CD226: variants seen among roughly 807,000 people sequenced by gnomAD.
CD226 encodes CD226 antigen.
A neutral mutation model predicts 34.9 loss-of-function variants in CD226; 24 were observed. The observed-to-expected ratio is 0.69, with a 90% CI of 0.50 to 0.97. The LOEUF (loss-of-function observed/expected upper bound fraction) is 0.97, where lower values mean the gene tolerates loss of function less well. CD226 is among the 50% of genes least tolerant of loss of function. The probability of loss-of-function intolerance (pLI) is 0.00; values close to 1 mark genes in which losing one functional copy is unlikely to be tolerated. For missense variants in CD226, 397 were observed against 412.7 expected, an observed-to-expected ratio of 0.96 and a Z score of 0.33; for synonymous variants, 148 against 147.4, an observed-to-expected ratio of 1.00 and a Z score of -0.03.
intron 2 of CD226, among the ~76,000 whole-genome samples, chr18:69,931,809 T>C (rs2055592601): frequency 1.3e-5 from 2 of 152,230 alleles, no homozygotes; most frequent in African/African-American, 4.8e-5. Context: ...TTAATTCTTT[T>C]TCATCGCTTG....
At chr18:69,877,757 C>G (rs1020046615) in intron 3 of CD226, among the ~76,000 whole-genome samples, 1 of 152,204 alleles carries the variant, frequency 6.6e-6, no homozygotes. Context: ...CCTAATACCA[C>G]AATACCTGAT....
At chr18:69,951,921 A>G (rs374109018), upstream of CD226, among the ~76,000 whole-genome samples, 10 of 152,218 alleles carry the variant, frequency 6.6e-5, no homozygotes, top group African/African-American at 1.9e-4. Flanking sequence ...GTCTCACTAC[A>G]GGGTATCTAC....
intron 2 of CD226, among the ~76,000 whole-genome samples, chr18:69,918,451 G>A (rs1266382422): frequency 1.3e-5 from 2 of 152,114 alleles, no homozygotes; most frequent in Non-Finnish European, 2.9e-5. Context: ...CCAGCTACTT[G>A]GGAGGCTGAG....
upstream of CD226, among the ~76,000 whole-genome samples, chr18:69,952,645 T>C (rs568702579): frequency 3.9e-5 from 6 of 152,254 alleles, no homozygotes; most frequent in South Asian, 1.2e-3. Flanking sequence ...ACTGTAGAAA[T>C]CTTAGAATAA....
intron 1 of CD226, among the ~76,000 whole-genome samples, chr18:69,953,062 T>C (rs2055867275): frequency 6.6e-6 from 1 of 152,218 alleles, no homozygotes; most frequent in African/African-American, 2.4e-5. Context: ...GAAAAATTAA[T>C]ATGTTAGGGA....
intron 2 of CD226, among the ~76,000 whole-genome samples, chr18:69,900,154 A>G (rs1018114256): frequency 6.6e-6 from 1 of 152,236 alleles, no homozygotes; most frequent in Non-Finnish European, 1.5e-5. Flanking sequence ...GCTGGAGGCT[A>G]TTATCCTCAG....
chr18:69,876,561 A>G (rs1983874186), intron 3 of CD226, among the ~76,000 whole-genome samples: 1 of 152,226 alleles, frequency 6.6e-6, no homozygotes, highest in Admixed American at 6.5e-5. Context: ...ACAAAGTGGT[A>G]GGTAAAAACA....
chr18:69,896,344 G>T (rs1463414536), intron 2 of CD226, among the ~76,000 whole-genome samples: 1 of 151,958 alleles, frequency 6.6e-6, no homozygotes, highest in Non-Finnish European at 1.5e-5. Flanking sequence ...ACCGCGCCCG[G>T]CTAATTTTTT....
intron 1 of CD226, chr18:69,956,746 G>A (rs2055901041): frequency 6.6e-6 from 1 of 152,210 alleles, no homozygotes; most frequent in African/African-American, 2.4e-5. Flanking sequence ...TTCTGAGAAG[G>A]TTACTAACCT....
At chr18:69,919,826 T>C (rs1470505888) in intron 2 of CD226, among the ~76,000 whole-genome samples, 2 of 152,062 alleles carry the variant, frequency 1.3e-5, no homozygotes, top group African/African-American at 4.8e-5. Context: ...AGTCGGTTAC[T>C]ATAAGAAGCA....
chr18:69,943,317 C>T (rs2055749139), intron 2 of CD226, among the ~76,000 whole-genome samples: 1 of 152,194 alleles, frequency 6.6e-6, no homozygotes, highest in Non-Finnish European at 1.5e-5. Context: ...ACGTAGGTGA[C>T]AGTAGTTTTC....
intron 2 of CD226, among the ~76,000 whole-genome samples, chr18:69,939,856 C>A (rs1292970864): frequency 6.6e-6 from 1 of 152,206 alleles, no homozygotes; most frequent in Non-Finnish European, 1.5e-5. Flanking sequence ...ACCTGGGCTT[C>A]ACCTGTACCA....
intron 3 of CD226, among the ~76,000 whole-genome samples, chr18:69,888,925 T>C (rs2145225426): frequency 6.6e-6 from 1 of 152,262 alleles, no homozygotes; most frequent in East Asian, 1.9e-4. Flanking sequence ...AATAATAGTA[T>C]GTATAAAAAA....
chr18:69,928,924 C>T (rs191866602), intron 2 of CD226, among the ~76,000 whole-genome samples: 14 of 152,270 alleles, frequency 9.2e-5, no homozygotes, highest in Admixed American at 5.9e-4. Flanking sequence ...AAAAGGAATG[C>T]AAAGTGACTT....
intron 2 of CD226, among the ~76,000 whole-genome samples, chr18:69,903,628 C>G (rs1322060886): frequency 2.0e-5 from 3 of 151,872 alleles, no homozygotes; most frequent in Non-Finnish European, 2.9e-5. Flanking sequence ...TGACCGTGTC[C>G]TTATAAAAAG....
upstream of CD226, chr18:69,961,536 G>A (rs1451919295): frequency 1.3e-5 from 2 of 152,150 alleles, no homozygotes; most frequent in African/African-American, 4.8e-5. Context: ...GTAAGCAATG[G>A]ATGAACTGCT....
upstream of CD226, among the ~76,000 whole-genome samples, chr18:69,959,458 GCAT>G (rs2055919482): frequency 6.6e-6 from 1 of 152,192 alleles, no homozygotes; most frequent in African/African-American, 2.4e-5. Context: ...CCTAGTTGCA[GCAT>G]CGCATCAGCT....
chr18:69,885,992 T>A (rs1377384538), intron 3 of CD226, among the ~76,000 whole-genome samples: 1 of 152,202 alleles, frequency 6.6e-6, no homozygotes, highest in African/African-American at 2.4e-5. Context: ...CTATCACTTG[T>A]ATAAACCTCT....
rs765820071 is a variant in CD226 at position 69,946,889 on chromosome 18, G to T, written c.227C>A (p.Ala76Asp). Residue 76 changes from alanine (A) to aspartate (D), a missense_variant, in exon 2 of 6, where the codon GCT (alanine) becomes GAT (aspartate). By Grantham distance (126) the Ala-to-Asp change is moderately radical. Transcript: ENST00000582621. ...TGAATTCAAAAAGTAAACCCTCTCA[G>T]CATAGGGCTTCCTTATGACCATGCC... ...THGMVIRKPY[A>D]ERVYFLNSTM... The T allele has an allele frequency of 2.5e-6, 4 of 1,613,986 alleles. No homozygotes were observed. In the African/African-American group the frequency reaches 5.3e-5, roughly 22 times the overall value.
Sources: allele counts gnomAD v4.1 joint callset (sites outside exome capture counted in the v4.1 genomes callset), GRCh38; gene constraint gnomAD v4.1.1; transcripts MANE v1.5; gene names NCBI Gene and HGNC (gene_info 2026-07-23, HGNC 2026-07-21).